NHEJ1: variants seen among roughly 807,000 people sequenced by gnomAD.
NHEJ1 encodes the protein non-homologous end-joining factor 1.
NHEJ1 carries 22 observed loss-of-function variants against 39.4 expected under a neutral mutation model. That is an observed-to-expected ratio of 0.56 (90% CI 0.40 to 0.80). The LOEUF (loss-of-function observed/expected upper bound fraction) is 0.80, where lower values mean the gene tolerates loss of function less well. NHEJ1 is among the 30% of genes least tolerant of loss of function. The pLI, the probability that NHEJ1 is intolerant of heterozygous loss-of-function variation, is 0.00. For synonymous variants in NHEJ1, 154 were observed against 135.6 expected, an observed-to-expected ratio of 1.14 and a Z score of -0.94; for missense variants, 329 against 357.1, an observed-to-expected ratio of 0.92 and a Z score of 0.63.
chr2:219,075,795 C>A lies in NHEJ1; in HGVS notation c.*586G>T. The A allele has an allele frequency of 6.5e-6, 1 of 153,848 alleles. No homozygotes were observed. Among genetic ancestry groups the A allele is most frequent in the Non-Finnish European group, 1.4e-5 (1 of 69,074 alleles). The allele number at this position is 153,848 out of a possible 1,614,324, so 9.5% of individuals were successfully genotyped here. The stretch of plus-strand genomic sequence containing the variant: ...TCTTGTGCCCACCATCAAGAGAGTT[C>A]TTGAGATCAAAGTTTCCAAATGGAG... On this transcript the variant is annotated 3_prime_UTR_variant, in exon 8 of 8. Coordinates refer to ENST00000356853, the MANE Select transcript of NHEJ1 (RefSeq NM_024782.3).
chr2:219,080,628 A>AATAGC (rs1949056181), intron 5 of NHEJ1, among the ~76,000 whole-genome samples: 1 of 142,422 alleles, frequency 7.0e-6, no homozygotes, highest in Non-Finnish European at 1.5e-5. Flanking sequence ...TATATATGCT[A>AATAGC]ATATATATAA....
intron 1 of NHEJ1, 70 bp from the exon 2 acceptor site, chr2:219,158,432 C>G: frequency 7.0e-7 from 1 of 1,423,062 alleles, no homozygotes; most frequent in Non-Finnish European, 9.9e-7. Flanking sequence ...CCACCCAAAC[C>G]AGTCTGTATC....
At chr2:219,154,974 CATATATTT>C (rs1477477664) in intron 3 of NHEJ1, among the ~76,000 whole-genome samples, 6 of 146,060 alleles carry the variant, frequency 4.1e-5, no homozygotes, top group Admixed American at 6.9e-5. Flanking sequence ...TATTATATTA[CATATATTT>C]ATATATTAAT....
rs1183961336 is a variant in NHEJ1, at chr2:219,144,240, GA to G, written c.588+2439del. ...ATCTGTATAAAATCCCCCTAGCATAGACTTATCAAAATATTAATCCAAACTT... is the reference window on the plus strand; with the variant it reads ...ATCTGTATAAAATCCCCCTAGCATAGCTTATCAAAATATTAATCCAAACTT... On this transcript the variant is annotated intron_variant, in intron 5 of 7. Coordinates refer to ENST00000356853, the MANE Select transcript of NHEJ1 (RefSeq NM_024782.3). Among the ~76,000 whole-genome samples, 4 of 152,142 alleles carry G rather than the reference GA, an allele frequency of 2.6e-5. No homozygotes were observed. In the South Asian group the frequency reaches 6.2e-4, roughly 24 times the overall value.
chr2:219,138,811 G>T (rs905307362), intron 5 of NHEJ1, among the ~76,000 whole-genome samples: 2 of 152,176 alleles, frequency 1.3e-5, no homozygotes, highest in African/African-American at 4.8e-5. Context: ...AGTAGTCAGG[G>T]TAAACTCTAT....
intron 5 of NHEJ1, among the ~76,000 whole-genome samples, chr2:219,134,073 C>T (rs1174519045): frequency 6.6e-6 from 1 of 152,236 alleles, no homozygotes; most frequent in Non-Finnish European, 1.5e-5. Flanking sequence ...AAGAGTTCTA[C>T]ACTCATTGTC....
Position 219,157,505 on chromosome 2 carries a change from C to T in NHEJ1, c.357G>A (p.Trp119Ter), listed in dbSNP as rs1456933262. Residue 119 changes from tryptophan (W) to a stop codon, truncating the protein, a stop_gained, in exon 3 of 8, where the codon TGG becomes TGA. Coordinates refer to ENST00000356853, the MANE Select transcript of NHEJ1 (RefSeq NM_024782.3). LOFTEE classifies it high-confidence loss of function. Reference protein sequence around the residue: ...RSELSGLPFYWNFHCMLASPS... With the variant: ...RSELSGLPFY Reference sequence around the variant, plus strand: ...GACTAGCTAGCATGCAGTGGAAATTCCAATAGAAGGGGAGGCCAGAGAGCT... The same window carrying T: ...GACTAGCTAGCATGCAGTGGAAATTTCAATAGAAGGGGAGGCCAGAGAGCT... 1 of 1,614,050 alleles carries T rather than the reference C, an allele frequency of 6.2e-7. No homozygotes were observed. Among genetic ancestry groups the T allele is most frequent in the Non-Finnish European group, 8.5e-7 (1 of 1,180,016 alleles).
chr2:219,083,212 A>C (rs1324593400), intron 5 of NHEJ1, among the ~76,000 whole-genome samples: 1 of 152,146 alleles, frequency 6.6e-6, no homozygotes, highest in Non-Finnish European at 1.5e-5. Context: ...TCACCAACAA[A>C]TATATAGCTA....
At chr2:219,129,995 C>T (rs1185121244) in intron 5 of NHEJ1, among the ~76,000 whole-genome samples, 1 of 151,328 alleles carries the variant, frequency 6.6e-6, no homozygotes, top group Non-Finnish European at 1.5e-5. Context: ...TTCTTTCTCC[C>T]TCTCTCAGTT....
At chr2:219,145,221 AAACAACAAC>A (rs148227268) in intron 5 of NHEJ1, among the ~76,000 whole-genome samples, 43 of 151,464 alleles carry the variant, frequency 2.8e-4, no homozygotes, top group Admixed American at 1.8e-3. Context: ...TTCGTTTCAA[AAACAACAAC>A]AACAACAACA....
chr2:219,127,766 C>T (rs2106349054), intron 5 of NHEJ1, among the ~76,000 whole-genome samples: 1 of 152,300 alleles, frequency 6.6e-6, no homozygotes, highest in Non-Finnish European at 1.5e-5. Context: ...ACATTCATTC[C>T]TTTTCTTTCT....
At chr2:219,123,674 A>C (rs1231388009) in intron 5 of NHEJ1, among the ~76,000 whole-genome samples, 1 of 152,136 alleles carries the variant, frequency 6.6e-6, no homozygotes, top group African/African-American at 2.4e-5. Context: ...GACAGACTAC[A>C]TTTAAAACTA....
intron 5 of NHEJ1, among the ~76,000 whole-genome samples, chr2:219,103,857 C>T (rs1033731035): frequency 3.9e-5 from 6 of 152,126 alleles, no homozygotes; most frequent in Non-Finnish European, 8.8e-5. Flanking sequence ...TCTGGAGTCC[C>T]CATTTAGACC....
Position 219,144,783 on chromosome 2 carries a change from A to G in NHEJ1, c.588+1897T>C, listed in dbSNP as rs189298087. ...CATTGTTTAACTAAGGGGATGAGGC[A>G]GGGAACCAGCATGTTATCCCCAGCC... is the stretch of plus-strand genomic sequence containing the variant. On this transcript the variant is annotated intron_variant, in intron 5 of 7. Transcript: ENST00000356853. Among the ~76,000 whole-genome samples the G allele has an allele frequency of 3.9e-5, 6 of 152,336 alleles. No homozygotes were observed. In the East Asian group the frequency reaches 1.2e-3, roughly 29 times the overall value.
intron 5 of NHEJ1, among the ~76,000 whole-genome samples, chr2:219,088,442 C>G (rs1165417444): frequency 6.6e-6 from 1 of 151,754 alleles, no homozygotes; most frequent in East Asian, 1.9e-4. Context: ...ACAGTGAGCT[C>G]TGATCATGCC....
At chr2:219,094,338 G>A (rs1949187177) in intron 5 of NHEJ1, among the ~76,000 whole-genome samples, 1 of 152,214 alleles carries the variant, frequency 6.6e-6, no homozygotes, top group African/African-American at 2.4e-5. Flanking sequence ...CCCACTCAGA[G>A]CAGGAGTCTG....
intron 1 of NHEJ1, among the ~76,000 whole-genome samples, chr2:219,159,611 A>ATGCATATATATATGCATATATATG (rs1313965775): frequency 9.5e-5 from 10 of 105,118 alleles, no homozygotes; most frequent in African/African-American, 3.1e-4. Context: ...GCATATATAT[A>ATGCATATATATATGCATATATATG]CATATACGTG....
chr2:219,070,257 G>A lies in NHEJ1; in HGVS notation c.*6124C>T, dbSNP rs1468149686. 3.9e-5 allele frequency among the ~76,000 whole-genome samples: 6 copies of A among 152,152 alleles called. No homozygotes were observed. Among genetic ancestry groups the A allele is most frequent in the African/African-American group, 7.2e-5 (3 of 41,412 alleles). On this transcript the variant is annotated 3_prime_UTR_variant, in exon 8 of 8. Transcript: ENST00000356853. ...GGTGGAGTGCAGTGGCACGATCTCAGCTCACTGCAGCCTCTGCCTCCCGGG... is the reference window on the plus strand; with the variant it reads ...GGTGGAGTGCAGTGGCACGATCTCAACTCACTGCAGCCTCTGCCTCCCGGG...
intron 5 of NHEJ1, among the ~76,000 whole-genome samples, chr2:219,081,874 T>C (rs1949070272): frequency 6.6e-6 from 1 of 152,184 alleles, no homozygotes; most frequent in Non-Finnish European, 1.5e-5. Context: ...AGCATAAAGG[T>C]GTGAAGACAG....
Sources: allele counts gnomAD v4.1 joint callset (sites outside exome capture counted in the v4.1 genomes callset), GRCh38; gene constraint gnomAD v4.1.1; transcripts MANE v1.5; gene names NCBI Gene and HGNC (gene_info 2026-07-23, HGNC 2026-07-21).